Variants in SPOCK3 observed in about 807,000 individuals in gnomAD.
SPOCK3 encodes testican-3.
SPOCK3 carries 30 observed loss-of-function variants against 56.6 expected under a neutral mutation model. The observed-to-expected ratio is 0.53, with a 90% CI of 0.40 to 0.72. SPOCK3 has a LOEUF of 0.72. Ranked by LOEUF, SPOCK3 falls within the 30% of genes least tolerant of loss-of-function variation. The pLI is 0.00. For synonymous variants in SPOCK3, 196 were observed against 183.3 expected, an observed-to-expected ratio of 1.07 and a Z score of -0.56; for missense variants, 527 against 530.0, an observed-to-expected ratio of 0.99 and a Z score of 0.06.
intron 4 of SPOCK3, among the ~76,000 whole-genome samples, chr4:166,914,181 G>A (rs1737589544): frequency 6.6e-6 from 1 of 151,942 alleles, no homozygotes; most frequent in Admixed American, 6.6e-5. Context: ...GTATAAGCAA[G>A]TTTGGGCTTC....
chr4:166,845,974 G>T lies in SPOCK3; in HGVS notation c.589+43156C>A, dbSNP rs982316168. Among the ~76,000 whole-genome samples the T allele has an allele frequency of 1.3e-5, 2 of 152,114 alleles. 1 individual carries two copies. The highest frequency in any genetic ancestry group is 2.9e-5 in the Non-Finnish European group (2 of 68,012). ...GGCTACGAACTTGCACAGCAAGTTT[G>T]TACTCCTGTACTGAATAGTGTAGGC... On this transcript the variant is annotated intron_variant, in intron 6 of 10. Coordinates refer to ENST00000357545, the MANE Select transcript of SPOCK3 (RefSeq NM_001040159.2).
chr4:167,037,495 A>AAG (rs1491192110), intron 3 of SPOCK3, among the ~76,000 whole-genome samples: 11 of 4,630 alleles, frequency 2.4e-3, no homozygotes, highest in Middle Eastern at 0.25. Flanking sequence ...AAAGAAGAAG[A>AAG]AAAAAAAAAA....
intron 4 of SPOCK3, among the ~76,000 whole-genome samples, chr4:166,969,153 T>C (rs753853879): frequency 3.9e-5 from 6 of 152,208 alleles, no homozygotes; most frequent in African/African-American, 1.2e-4. Context: ...GTAATTAATA[T>C]GTTTTTAAAT....
intron 7 of SPOCK3, among the ~76,000 whole-genome samples, chr4:166,768,575 T>G (rs2126553969): frequency 6.6e-6 from 1 of 152,354 alleles, no homozygotes; most frequent in Middle Eastern, 3.4e-3. Flanking sequence ...CTGATGGGTT[T>G]CCCTTTGTGG....
chr4:167,090,942 G>A (rs1035969456), intron 2 of SPOCK3, among the ~76,000 whole-genome samples: 4 of 152,030 alleles, frequency 2.6e-5, no homozygotes, highest in African/African-American at 9.7e-5. Context: ...GAAATTGAGA[G>A]AGCTAAGTAG....
intron 6 of SPOCK3, among the ~76,000 whole-genome samples, chr4:166,875,903 C>T (rs947966108): frequency 6.6e-6 from 1 of 152,206 alleles, no homozygotes; most frequent in Non-Finnish European, 1.5e-5. Flanking sequence ...CAGTTTACTA[C>T]TCATGGCACA....
intron 2 of SPOCK3, among the ~76,000 whole-genome samples, chr4:167,179,303 A>T (rs1352741199): frequency 1.3e-5 from 2 of 152,186 alleles, no homozygotes; most frequent in African/African-American, 4.8e-5. Flanking sequence ...AGCCACAGCC[A>T]ATGAGCCAGA....
At chr4:167,201,985 G>A (rs140887240) in intron 2 of SPOCK3, among the ~76,000 whole-genome samples, 1 of 151,828 alleles carries the variant, frequency 6.6e-6, no homozygotes, top group Non-Finnish European at 1.5e-5. Context: ...TCACCTTCAT[G>A]ACATTTAATT....
intron 2 of SPOCK3, among the ~76,000 whole-genome samples, chr4:167,193,760 A>G (rs1320109832): frequency 6.9e-6 from 1 of 145,946 alleles, no homozygotes; most frequent in East Asian, 2.1e-4. Context: ...GAGTTCTCTT[A>G]TAGGTGACAA....
chr4:166,886,560 CTTTA>C lies in SPOCK3; in HGVS notation c.589+2566_589+2569del, dbSNP rs756409400. Among the ~76,000 whole-genome samples, 35 of 152,106 alleles carry C rather than the reference CTTTA, an allele frequency of 2.3e-4. 1 individual carries two copies. The highest frequency in any genetic ancestry group is 5.5e-4 in the African/African-American group (23 of 41,526). ...AGTACATTAGAGAAATAGAGAAAAA[CTTTA>C]TTTATTCATACTTTATGAAGAAAAT... On this transcript the variant is annotated intron_variant, in intron 6 of 10. Transcript: ENST00000357545.
intron 4 of SPOCK3, among the ~76,000 whole-genome samples, chr4:166,980,868 A>G (rs149491785): frequency 1.3e-5 from 2 of 152,320 alleles, no homozygotes; most frequent in Middle Eastern, 3.4e-3. Context: ...GGGCTCCCAG[A>G]ATGACCACAG....
intron 3 of SPOCK3, chr4:167,011,349 C>T (rs1315327629): frequency 2.2e-6 from 1 of 454,546 alleles, no homozygotes; most frequent in South Asian, 1.6e-5. Flanking sequence ...TTAAGCATAC[C>T]TATTCAAACA....
intron 2 of SPOCK3, among the ~76,000 whole-genome samples, chr4:167,092,381 A>T: frequency 6.6e-6 from 1 of 152,128 alleles, no homozygotes; most frequent in South Asian, 2.1e-4. Flanking sequence ...AAGGGTCCCA[A>T]CCTGCTCCCT....
At chr4:167,118,879 C>A (rs1263426091) in intron 2 of SPOCK3, among the ~76,000 whole-genome samples, 1 of 152,128 alleles carries the variant, frequency 6.6e-6, no homozygotes, top group African/African-American at 2.4e-5. Context: ...TAACCCATAT[C>A]AACTTTCCCA....
chr4:166,754,370 G>T, intron 8 of SPOCK3, 138 bp downstream of exon 8: 1 of 1,387,824 alleles, frequency 7.2e-7, no homozygotes, highest in Non-Finnish European at 9.3e-7. Flanking sequence ...CTTCTTATTT[G>T]CTCTTTTATT....
chr4:166,799,353 C>T (rs1742301188), intron 6 of SPOCK3, among the ~76,000 whole-genome samples: 1 of 152,134 alleles, frequency 6.6e-6, no homozygotes, highest in African/African-American at 2.4e-5. Context: ...TTTTTTCTTC[C>T]AAACATCACC....
At chr4:166,746,686 A>T (rs1325721090) in intron 8 of SPOCK3, among the ~76,000 whole-genome samples, 1 of 152,234 alleles carries the variant, frequency 6.6e-6, no homozygotes, top group Admixed American at 6.5e-5. Flanking sequence ...AAAATCAATG[A>T]ATCCAGGAGC....
intron 3 of SPOCK3, among the ~76,000 whole-genome samples, chr4:167,025,435 G>A (rs1055386335): frequency 3.9e-5 from 6 of 151,972 alleles, no homozygotes; most frequent in African/African-American, 7.2e-5. Flanking sequence ...ATAAAATAAC[G>A]TGTGTACAAT....
In SPOCK3 at chr4:167,144,734, A is replaced by AAG. The variant is rs1338502252; in HGVS notation, c.190-82198_190-82197insCT. Among the ~76,000 whole-genome samples the AAG allele has an allele frequency of 6.0e-5, 9 of 150,222 alleles. No individual in the cohort carries two copies. The East Asian group carries it at 1.8e-3, about 30-fold the overall frequency. On this transcript the variant is annotated intron_variant, in intron 2 of 10. Coordinates refer to ENST00000357545, the MANE Select transcript of SPOCK3 (RefSeq NM_001040159.2). The stretch of plus-strand genomic sequence containing the variant: ...ATGCAGATATCTAGGAAAAAAAAAA[A>AAG]AACCTTAGGGAAAAGGAAACACAAG...
Sources: gnomAD v4.1 joint callset for allele counts (sites outside exome capture counted in the v4.1 genomes callset) on GRCh38, gnomAD v4.1.1 for gene constraint, MANE v1.5 for transcripts, NCBI Gene and HGNC (gene_info 2026-07-23, HGNC 2026-07-21) for gene names.